Variants in ATG7 observed in about 807,000 individuals in gnomAD.
ATG7 encodes autophagy related 7, also known as ubiquitin-like modifier-activating enzyme ATG7.
In ATG7, 70 loss-of-function variants were observed where a neutral mutation model predicts 82.4. That is an observed-to-expected ratio of 0.85 (90% confidence interval 0.70 to 1.04). The LOEUF is 1.04. ATG7 is among the 50% of genes least tolerant of loss of function. The pLI is 0.00. For missense variants in ATG7, 792 were observed against 864.3 expected (o/e 0.92, Z 1.05); for synonymous variants, 287 against 313.0 (o/e 0.92, Z 0.88).
At chr3:11,396,357 T>G (rs1280142670) in intron 19 of ATG7, among the ~76,000 whole-genome samples, 1 of 152,046 alleles carries the variant, frequency 6.6e-6, no homozygotes, top group East Asian at 1.9e-4. Flanking sequence ...AGAGGATTGC[T>G]TGAGCCCAGA....
Position 11,286,583 on chromosome 3 carries a change from C to CTT in ATG7, c.-11+4169_-11+4170dup, listed in dbSNP as rs5846700. 2.0e-3 allele frequency among the ~76,000 whole-genome samples: 132 copies of CTT among 66,942 alleles called. 1 individual carries two copies. The highest frequency in any genetic ancestry group is 2.7e-3 in the Admixed American group (11 of 4,118). 43.9% of individuals were successfully genotyped at this position (66,942 alleles called of 152,430 possible). ...TGTCTTTTCTTTTCTTTCTTTCTTT[C>CTT]TTTTTTTTTTTTTTTTTTTTTTTTT... On this transcript the variant is annotated intron_variant, in intron 3 of 20. Transcript: ENST00000693202.
chr3:11,562,647 C>T (rs1429578591), downstream of ATG7, among the ~76,000 whole-genome samples: 1 of 152,246 alleles, frequency 6.6e-6, no homozygotes, highest in Non-Finnish European at 1.5e-5. Context: ...ATGGCCTCAG[C>T]CCCGCCACGC....
At chr3:11,437,837 T>C (rs776558261) in intron 20 of ATG7, among the ~76,000 whole-genome samples, 42 of 152,230 alleles carry the variant, frequency 2.8e-4, no homozygotes, top group Admixed American at 8.5e-4. Flanking sequence ...ATGAATCTGC[T>C]AAGAATATAG....
intron 20 of ATG7, chr3:11,477,348 G>T: frequency 9.0e-7 from 1 of 1,106,454 alleles, no homozygotes; most frequent in Non-Finnish European, 1.1e-6. Context: ...AATACGTTCA[G>T]TAATGAATGT....
At chr3:11,475,716 G>A (rs1224122162) in intron 20 of ATG7, among the ~76,000 whole-genome samples, 1 of 152,170 alleles carries the variant, frequency 6.6e-6, no homozygotes, top group Non-Finnish European at 1.5e-5. Flanking sequence ...AAATGTCCCA[G>A]TGTCAGAATT....
chr3:11,395,858 T>TGAACC (rs2079180539), intron 19 of ATG7, among the ~76,000 whole-genome samples: 1 of 141,110 alleles, frequency 7.1e-6, no homozygotes, highest in East Asian at 2.2e-4. Context: ...GAGAATGGCG[T>TGAACC]GAACCGAGGA....
At chr3:11,437,023 G>A (rs898895219) in intron 20 of ATG7, among the ~76,000 whole-genome samples, 9 of 152,128 alleles carry the variant, frequency 5.9e-5, no homozygotes, top group Non-Finnish European at 8.8e-5. Flanking sequence ...TAAAACCATT[G>A]AATTCTATAC....
intron 19 of ATG7, among the ~76,000 whole-genome samples, chr3:11,398,501 T>G (rs1413216276): frequency 6.6e-6 from 1 of 152,166 alleles, no homozygotes; most frequent in Non-Finnish European, 1.5e-5. Flanking sequence ...ATAATGGAAA[T>G]TAAGAACTAT....
chr3:11,382,512 A>T (rs1210691068), intron 19 of ATG7, among the ~76,000 whole-genome samples: 1 of 152,174 alleles, frequency 6.6e-6, no homozygotes, highest in Non-Finnish European at 1.5e-5. Context: ...GTGAGGAGTC[A>T]CTTTCATTCC....
chr3:11,368,073 G>A (rs939891932), intron 18 of ATG7, among the ~76,000 whole-genome samples: 1 of 151,806 alleles, frequency 6.6e-6, no homozygotes, highest in Non-Finnish European at 1.5e-5. Flanking sequence ...TTGATTATCA[G>A]CACCATGGGA....
intron 20 of ATG7, among the ~76,000 whole-genome samples, chr3:11,548,956 G>A (rs774411005): frequency 2.6e-5 from 4 of 152,250 alleles, no homozygotes; most frequent in Non-Finnish European, 4.4e-5. Flanking sequence ...GCAGGGGTTG[G>A]ACTGCTCTGT....
the ATG7 span, chr3:11,568,457 G>A: frequency 8.8e-7 from 1 of 1,137,220 alleles, no homozygotes; most frequent in Non-Finnish European, 1.3e-6. The surrounding 1 kb of genome is among the most constrained non-coding windows in gnomAD (Gnocchi z 5.9). Context: ...GCAGCAGGGA[G>A]AAGGGGACTT....
intron 20 of ATG7, among the ~76,000 whole-genome samples, chr3:11,443,764 A>G (rs1480764593): frequency 6.6e-6 from 1 of 152,158 alleles, no homozygotes; most frequent in Non-Finnish European, 1.5e-5. Context: ...GAAAAGTTAA[A>G]GTGACAAAGA....
chr3:11,375,004 C>A (rs1317885016), intron 18 of ATG7, among the ~76,000 whole-genome samples: 1 of 146,090 alleles, frequency 6.8e-6, no homozygotes, highest in Non-Finnish European at 1.5e-5. Context: ...GAGTCCAAGA[C>A]CAGCATGGGC....
intron 17 of ATG7, among the ~76,000 whole-genome samples, chr3:11,364,446 C>T (rs1284774645): frequency 3.9e-5 from 6 of 152,202 alleles, no homozygotes; most frequent in African/African-American, 1.4e-4. Flanking sequence ...TGCCTATGGT[C>T]ACAAGCTCAG....
chr3:11,502,813 TG>T (rs2091439295), intron 20 of ATG7, among the ~76,000 whole-genome samples: 1 of 152,122 alleles, frequency 6.6e-6, no homozygotes, highest in African/African-American at 2.4e-5. Context: ...GAGAGTTGGT[TG>T]AACTTCCTAA....
chr3:11,291,026 A>G (rs1046398663), intron 3 of ATG7, among the ~76,000 whole-genome samples: 1 of 152,158 alleles, frequency 6.6e-6, no homozygotes, highest in East Asian at 1.9e-4. Flanking sequence ...GCTTTTACCC[A>G]GCTACCGAAG....
chr3:11,566,590 G>A, the ATG7 span, among the ~76,000 whole-genome samples: 3 of 152,146 alleles, frequency 2.0e-5, no homozygotes, highest in Non-Finnish European at 2.9e-5. Context: ...GTTGTGTTCC[G>A]TAGTTCCAAC....
At chr3:11,381,682 C>T (rs1425220105) in intron 19 of ATG7, among the ~76,000 whole-genome samples, 1 of 152,110 alleles carries the variant, frequency 6.6e-6, no homozygotes, top group Non-Finnish European at 1.5e-5. Flanking sequence ...TTTTGAGAGT[C>T]CTGCTTTACA....
Sources: allele counts gnomAD v4.1 joint callset (sites outside exome capture counted in the v4.1 genomes callset), GRCh38; gene constraint gnomAD v4.1.1; non-coding constraint Gnocchi (gnomAD v3.1); transcripts MANE v1.5; gene names NCBI Gene and HGNC (gene_info 2026-07-23, HGNC 2026-07-21).